Variants in JMJD1C observed in about 807,000 individuals in gnomAD.
JMJD1C encodes jumonji domain-containing protein 1C.
Under a neutral mutation model 245.3 loss-of-function variants are expected in JMJD1C, and 31 were observed. The ratio of observed to expected loss-of-function variants is 0.13; its 90% CI spans 0.09 to 0.17. The LOEUF is 0.17. JMJD1C is among the 10% of genes least tolerant of loss of function. The pLI is 1.00. For missense variants in JMJD1C, 2,691 were observed against 3,000.2 expected (o/e 0.90, Z 2.41); for synonymous variants, 1,057 against 1,017.4 (o/e 1.04, Z -0.74).
chr10:63,421,072 C>T (rs542657431), intron 1 of JMJD1C, among the ~76,000 whole-genome samples: 6 of 152,202 alleles, frequency 3.9e-5, no homozygotes, highest in African/African-American at 1.4e-4. Context: ...TGGTGGCTCA[C>T]GCTTGTAATC....
Position 63,427,486 on chromosome 10 carries a change from C to T in JMJD1C, c.168+38009G>A, listed in dbSNP as rs1453789300. On this transcript the variant is annotated intron_variant, in intron 1 of 25. Coordinates refer to ENST00000399262, the MANE Select transcript of JMJD1C (RefSeq NM_032776.3). ...CCTGACCAAGACCAACAGGATGTCC[C>T]ACTGGGCCAAGCAACTGTTTCCTGC... 3 of 1,254,818 alleles carry T rather than the reference C, an allele frequency of 2.4e-6. No individual in the cohort carries two copies. The Admixed American group carries it at 5.3e-5, about 22-fold the overall frequency. The allele number at this position is 1,254,818 out of a possible 1,614,324, so 77.7% of individuals were successfully genotyped here.
intron 10 of JMJD1C, chr10:63,202,929 C>G (rs1005788276): frequency 7.1e-6 from 7 of 980,648 alleles, no homozygotes; most frequent in Non-Finnish European, 8.5e-6. Flanking sequence ...CAGTCTATTT[C>G]TTTTTATTAT....
intron 1 of JMJD1C, among the ~76,000 whole-genome samples, chr10:63,499,356 C>T (rs568469002): frequency 1.3e-5 from 2 of 152,196 alleles, no homozygotes; most frequent in African/African-American, 2.4e-5. Context: ...ACAAGGGTTC[C>T]GATTTCTCCA....
At chr10:63,452,200 G>A (rs1952113504) in intron 1 of JMJD1C, among the ~76,000 whole-genome samples, 1 of 152,100 alleles carries the variant, frequency 6.6e-6, no homozygotes, top group African/African-American at 2.4e-5. Context: ...TAGCTGATAA[G>A]GTACTAATAA....
intron 2 of JMJD1C, among the ~76,000 whole-genome samples, chr10:63,366,667 A>G (rs959150180): frequency 5.9e-5 from 9 of 152,218 alleles, no homozygotes; most frequent in South Asian, 2.1e-4. Flanking sequence ...TAGCTGTGCT[A>G]TAATCATTTA....
chr10:63,264,652 TG>T lies in JMJD1C; in HGVS notation c.445del (p.Gln149ArgfsTer4). The T allele has an allele frequency of 7.1e-7, 1 of 1,399,762 alleles. No homozygotes were observed. Among genetic ancestry groups the T allele is most frequent in the Non-Finnish European group, 9.8e-7 (1 of 1,017,608 alleles). The allele number at this position is 1,399,762 out of a possible 1,614,324, so 86.7% of individuals were successfully genotyped here. On this transcript the variant is annotated frameshift_variant and splice_region_variant, in exon 3 of 26. Transcript: ENST00000399262. LOFTEE classifies it high-confidence loss of function. Reference sequence around the variant, plus strand: ...AAAAAGTAATCTAAAATTTCTTACCTGGTAGGGCTGAAAGGCACTATCTTCA... The same window carrying T: ...AAAAAGTAATCTAAAATTTCTTACCTGTAGGGCTGAAAGGCACTATCTTCA... ...LTEDSAFQPY[Q>X]DDIDSLNPVL...
At chr10:63,323,763 C>T (rs907493538) in intron 2 of JMJD1C, among the ~76,000 whole-genome samples, 5 of 152,144 alleles carry the variant, frequency 3.3e-5, no homozygotes, top group African/African-American at 9.7e-5. Context: ...GAGTTCTCCA[C>T]AAAAACAGGA....
At chr10:63,354,567 T>A (rs1944641931) in intron 2 of JMJD1C, among the ~76,000 whole-genome samples, 1 of 152,064 alleles carries the variant, frequency 6.6e-6, no homozygotes, top group South Asian at 2.1e-4. Flanking sequence ...CATAAACTTG[T>A]ATATTTTACT....
Position 63,237,998 on chromosome 10 carries a change from G to A in JMJD1C, c.448-18015C>T, listed in dbSNP as rs1255795502. On this transcript the variant is annotated intron_variant, in intron 3 of 25. Coordinates refer to ENST00000399262, the MANE Select transcript of JMJD1C (RefSeq NM_032776.3). ...AGCCTGGCCAACACAGTGAAACCCCGTCTCTACTAAAAAAAAAAAAAAAAA... is the reference window on the plus strand; with the variant it reads ...AGCCTGGCCAACACAGTGAAACCCCATCTCTACTAAAAAAAAAAAAAAAAA... 1.1e-4 allele frequency among the ~76,000 whole-genome samples: 10 copies of A among 94,706 alleles called. 1 individual carries two copies. In the South Asian group the frequency reaches 2.1e-3, roughly 20 times the overall value. The allele number at this position is 94,706 out of a possible 152,430, so 62.1% of individuals were successfully genotyped here. A position where few individuals can be genotyped will look rare whatever the true frequency, so the allele number is the denominator to read the frequency against.
intron 2 of JMJD1C, among the ~76,000 whole-genome samples, chr10:63,322,821 A>C (rs936950229): frequency 7.7e-5 from 10 of 129,460 alleles, no homozygotes; most frequent in Non-Finnish European, 1.4e-4. Context: ...AAAAAAAAAA[A>C]AACTTTTTTT....
intron 3 of JMJD1C, among the ~76,000 whole-genome samples, chr10:63,234,493 TAAAAAAAA>T (rs71025129): frequency 0.034 from 1,260 of 37,052 alleles, 41 homozygotes; most frequent in African/African-American, 0.13. Context: ...AACCTCCTCT[TAAAAAAAA>T]AAAAAAAAAA....
At chr10:63,421,477 T>G (rs1048334831) in intron 1 of JMJD1C, among the ~76,000 whole-genome samples, 1 of 152,194 alleles carries the variant, frequency 6.6e-6, no homozygotes, top group Non-Finnish European at 1.5e-5. Flanking sequence ...TCTGGAGTGC[T>G]GGCAATATTC....
In JMJD1C at chr10:63,234,505, A is replaced by AAAAAC. The variant is rs1352910417; in HGVS notation, c.448-14523_448-14522insGTTTT. On this transcript the variant is annotated intron_variant, in intron 3 of 25. Transcript: ENST00000399262. ...AGAAACCTCCTCTTAAAAAAAAAAAAAAAAAAAAAAAAAAAACACCAAAAA... is the reference window on the plus strand; with the variant it reads ...AGAAACCTCCTCTTAAAAAAAAAAAAAAAACAAAAAAAAAAAAAAAACACCAAAAA... Among the ~76,000 whole-genome samples the AAAAAC allele has an allele frequency of 1.5e-3, 231 of 149,396 alleles. 1 individual carries two copies. Among genetic ancestry groups the AAAAAC allele is most frequent in the African/African-American group, 5.4e-3 (221 of 40,592 alleles).
intron 24 of JMJD1C, among the ~76,000 whole-genome samples, chr10:63,174,438 T>A (rs1039628407): frequency 6.6e-6 from 1 of 152,134 alleles, no homozygotes; most frequent in African/African-American, 2.4e-5. Flanking sequence ...GGGTACATAC[T>A]GTGTGAGTCC....
At position 63,186,390 on chromosome 10, in the gene JMJD1C, A is replaced by G; in HGVS notation, c.6571-7T>C. ...CACCAGAAACCACTGCAGGCTTATA[A>G]ATAGATAAATAAATAACAGTTAAAA... On this transcript the variant is annotated splice_polypyrimidine_tract_variant and splice_region_variant and intron_variant, in intron 18 of 25. Transcript: ENST00000399262. The G allele has an allele frequency of 6.3e-7, 1 of 1,575,014 alleles. No individual in the cohort carries two copies. The highest frequency in any genetic ancestry group is 1.2e-5 in the South Asian group (1 of 85,466).
rs530621152 is a variant in JMJD1C at position 63,349,598 on chromosome 10, A to G, written c.333+30720T>C. On this transcript the variant is annotated intron_variant, in intron 2 of 25. Coordinates refer to ENST00000399262, the MANE Select transcript of JMJD1C (RefSeq NM_032776.3). The stretch of plus-strand genomic sequence containing the variant: ...TGAAACTTTTTATAAAAAGCATTAG[A>G]CTTACAAAGAGGAGTCTCTGATTGC... Among the ~76,000 whole-genome samples, 5 of 152,332 alleles carry G rather than the reference A, an allele frequency of 3.3e-5. No homozygotes were observed. In the South Asian group the frequency reaches 1.0e-3, roughly 32 times the overall value.
intron 8 of JMJD1C, among the ~76,000 whole-genome samples, chr10:63,211,760 G>T (rs991551945): frequency 4.2e-5 from 6 of 144,392 alleles, no homozygotes; most frequent in African/African-American, 1.6e-4. Flanking sequence ...TGAGGCAGAG[G>T]TTGCAGTGAG....
chr10:63,171,417 T>C (rs905239400), intron 24 of JMJD1C, among the ~76,000 whole-genome samples: 2 of 152,244 alleles, frequency 1.3e-5, no homozygotes, highest in Non-Finnish European at 2.9e-5. Context: ...GCTAAGATTA[T>C]ATATCTCAGC....
At chr10:63,421,180 C>T (rs189999480) in intron 1 of JMJD1C, among the ~76,000 whole-genome samples, 12 of 151,938 alleles carry the variant, frequency 7.9e-5, no homozygotes, top group African/African-American at 2.4e-4. Context: ...ACTAAAAATA[C>T]AAAATTAGCC....
Sources: allele counts gnomAD v4.1 joint callset (sites outside exome capture counted in the v4.1 genomes callset), GRCh38; gene constraint gnomAD v4.1.1; transcripts MANE v1.5; gene names NCBI Gene and HGNC (gene_info 2026-07-23, HGNC 2026-07-21).